KDM5A: variants seen among roughly 807,000 people sequenced by gnomAD.
KDM5A encodes the protein lysine-specific demethylase 5A.
KDM5A carries 42 observed loss-of-function variants against 193.5 expected under a neutral mutation model. The ratio of observed to expected loss-of-function variants is 0.22; its 90% CI spans 0.17 to 0.28. KDM5A has a LOEUF of 0.28. KDM5A is among the 10% of genes least tolerant of loss of function. The pLI is 1.00. For synonymous variants in KDM5A, 796 were observed against 718.1 expected (o/e 1.11, Z -1.73); for missense variants, 1,692 against 2,055.1 (o/e 0.82, Z 3.42).
Position 334,974 on chromosome 12 carries a change from C to T in KDM5A, c.1309-552G>A, listed in dbSNP as rs991339874. Among the ~76,000 whole-genome samples the T allele has an allele frequency of 2.0e-5, 3 of 151,766 alleles. No homozygotes were observed. In the East Asian group the frequency reaches 5.8e-4, roughly 29 times the overall value. On this transcript the variant is annotated intron_variant, in intron 10 of 27. Coordinates refer to ENST00000399788, the MANE Select transcript of KDM5A (RefSeq NM_001042603.3). ...ACAGGATGCAGAAAGTCACCACCAT[C>T]ACTCCTAACCATTATACAAACACAC...
At chr12:318,496 C>T (rs768603887) in intron 18 of KDM5A, 35 bp from the exon 19 acceptor site, 1 of 1,503,378 alleles carries the variant, frequency 6.7e-7, no homozygotes, top group Non-Finnish European at 9.3e-7. Flanking sequence ...ATCAGAAAAA[C>T]AAATTTAAAA....
chr12:285,563 T>C lies in KDM5A; in HGVS notation c.4966A>G (p.Ile1656Val). The part of the protein sequence containing the change: ...EMAENEDYIC[I>V]NCAKKQGPVS... ...GGCCCCTGCTTCTTTGCACAGTTTATACAGATGTAATCTTCATTTTCAGCC... is the reference window on the plus strand; with the variant it reads ...GGCCCCTGCTTCTTTGCACAGTTTACACAGATGTAATCTTCATTTTCAGCC... The change falls in exon 28 of 28, where the codon ATA becomes GTA. Residue 1656 changes from isoleucine to valine, a missense_variant. Ile to Val is a conservative substitution (Grantham distance 29). This residue lies in a region of KDM5A where 23 missense variants were observed against 61.5 expected (regional missense o/e 0.37). Transcript: ENST00000399788. 4 of 1,614,056 alleles carry C rather than the reference T, an allele frequency of 2.5e-6. No homozygotes were observed. Among genetic ancestry groups the C allele is most frequent in the Middle Eastern group, 1.7e-4 (1 of 6,058 alleles).
intron 18 of KDM5A, among the ~76,000 whole-genome samples, chr12:319,782 G>A (rs1408274410): frequency 6.6e-6 from 1 of 152,012 alleles, no homozygotes; most frequent in Non-Finnish European, 1.5e-5. Flanking sequence ...AAGAAAAAAA[G>A]CCTTTAAGAT....
intron 6 of KDM5A, among the ~76,000 whole-genome samples, chr12:355,738 T>C (rs1944223039): frequency 6.6e-6 from 1 of 152,250 alleles, no homozygotes; most frequent in African/African-American, 2.4e-5. Flanking sequence ...TTTAATCTTC[T>C]AGAGTTCAGT....
intron 13 of KDM5A, 86 bp from the exon 14 acceptor site, chr12:329,115 T>G (rs1290324370): frequency 9.3e-7 from 1 of 1,080,070 alleles, no homozygotes; most frequent in East Asian, 2.4e-5. Context: ...TCCTCCCTTT[T>G]ATTAGAAAGA....
chr12:292,063 C>G (rs920703996), intron 27 of KDM5A, among the ~76,000 whole-genome samples: 1 of 152,092 alleles, frequency 6.6e-6, no homozygotes, highest in Non-Finnish European at 1.5e-5. Context: ...CCACCACACC[C>G]TGCTCATTTT....
chr12:320,953 G>A, intron 18 of KDM5A, 42 bp downstream of exon 18: 1 of 1,332,474 alleles, frequency 7.5e-7, no homozygotes, highest in Non-Finnish European at 1.1e-6. Context: ...AGTGGACCAT[G>A]TCACAAAGGA....
intron 3 of KDM5A, among the ~76,000 whole-genome samples, chr12:380,057 CAGG>C (rs1183964336): frequency 2.0e-5 from 3 of 151,810 alleles, no homozygotes; most frequent in African/African-American, 7.3e-5. Context: ...CACTTGAGAT[CAGG>C]AGTTCGTGAC....
At position 307,331 on chromosome 12, in the gene KDM5A, C is replaced by CA. The variant is rs1943519858; in HGVS notation, c.3930+122dup. 8.9e-7 allele frequency: 1 copy of CA among 1,126,494 alleles called. No individual in the cohort carries two copies. The highest frequency in any genetic ancestry group is 1.3e-5 in the South Asian group (1 of 77,058). The allele number at this position is 1,126,494 out of a possible 1,614,324, so 69.8% of individuals were successfully genotyped here. On this transcript the variant is annotated intron_variant, in intron 23 of 27. Transcript: ENST00000399788. The surrounding 1 kb of genome is among the most constrained non-coding windows in gnomAD (Gnocchi z 4.3). Reference sequence around the variant, plus strand: ...CTATAGTGTATGTTGAAGGAGAATGCAATGGATAATTGCTGACAAGTTACT... The same window carrying CA: ...CTATAGTGTATGTTGAAGGAGAATGCAAATGGATAATTGCTGACAAGTTACT...
At chr12:324,434 T>C (rs1943758785) in intron 14 of KDM5A, among the ~76,000 whole-genome samples, 1 of 152,070 alleles carries the variant, frequency 6.6e-6, no homozygotes, top group African/African-American at 2.4e-5. Context: ...TTGAGCAAAA[T>C]AAATCAGTAA....
At chr12:295,830 A>T (rs767482005) in intron 25 of KDM5A, 37 bp from the exon 26 acceptor site, 24 of 1,575,902 alleles carry the variant, frequency 1.5e-5, no homozygotes, top group Non-Finnish European at 2.0e-5. Flanking sequence ...AGCAAAAAAA[A>T]TTAAAACTAT....
intron 13 of KDM5A, among the ~76,000 whole-genome samples, 175 bp downstream of exon 13, chr12:331,644 T>C (rs1186882395): frequency 2.0e-5 from 3 of 152,060 alleles, no homozygotes; most frequent in African/African-American, 4.8e-5. Context: ...ATCTTCAAAA[T>C]AAAAAATGTG....
intron 13 of KDM5A, among the ~76,000 whole-genome samples, chr12:331,570 G>A (rs1017398284): frequency 6.6e-6 from 1 of 152,242 alleles, no homozygotes. Context: ...GAATAGAATG[G>A]AAGTGAAGGA....
chr12:350,413 G>GAAAAAAAAA, intron 10 of KDM5A, among the ~76,000 whole-genome samples: 1 of 140,108 alleles, frequency 7.1e-6, no homozygotes, highest in African/African-American at 2.7e-5. Context: ...AGGTGACAGA[G>GAAAAAAAAA]TGAGATTCCT....
intron 27 of KDM5A, among the ~76,000 whole-genome samples, chr12:289,736 T>A (rs929692498): frequency 1.1e-4 from 14 of 126,248 alleles, no homozygotes; most frequent in Non-Finnish European, 1.5e-4. Context: ...AAAAAAAAAA[T>A]TTAATCTGCA....
chr12:382,053 C>T (rs1565554084), intron 3 of KDM5A, among the ~76,000 whole-genome samples: 1 of 152,146 alleles, frequency 6.6e-6, no homozygotes, highest in Non-Finnish European at 1.5e-5. Flanking sequence ...TCAAGCAATC[C>T]TTCCACCTCA....
chr12:351,636 A>C (rs1217967337), intron 9 of KDM5A, among the ~76,000 whole-genome samples: 1 of 152,210 alleles, frequency 6.6e-6, no homozygotes, highest in Non-Finnish European at 1.5e-5. Context: ...GCTTTTCTGT[A>C]AAGGATTACT....
rs760471868 is a variant in KDM5A at position 318,391 on chromosome 12, G to T, written c.2612C>A (p.Ser871Tyr). The change falls in exon 19 of 28, where the codon TCT (serine) becomes TAT (tyrosine). Residue 871 changes from serine (S) to tyrosine (Y), a missense_variant. This residue lies in a region of KDM5A where 965 missense variants were observed against 1,061.0 expected (regional missense o/e 0.91). Coordinates refer to ENST00000399788, the MANE Select transcript of KDM5A (RefSeq NM_001042603.3). The stretch of plus-strand genomic sequence containing the variant: ...ATCTATCAACATCTGGAGTTTGGAA[G>T]AATCTGGGGTTTCATCCATCATGGC... ...QEAMMDETPD[S>Y]SKLQMLIDMG... is the part of the protein sequence containing the mutation. The T allele has an allele frequency of 1.9e-6, 3 of 1,614,146 alleles. No individual in the cohort carries two copies. The highest frequency in any genetic ancestry group is 2.7e-5 in the African/African-American group (2 of 75,046).
intron 18 of KDM5A, among the ~76,000 whole-genome samples, chr12:319,581 G>A (rs563142983): frequency 2.6e-5 from 4 of 151,954 alleles, no homozygotes; most frequent in East Asian, 1.9e-4. Context: ...GCAAAAACTC[G>A]TCTCTACAAA....
Sources: gnomAD v4.1 joint callset for allele counts (sites outside exome capture counted in the v4.1 genomes callset) on GRCh38, gnomAD v4.1.1 for gene constraint, gnomAD v4.1.1 regional missense constraint, Gnocchi (gnomAD v3.1) non-coding constraint, MANE v1.5 for transcripts, NCBI Gene and HGNC (gene_info 2026-07-23, HGNC 2026-07-21) for gene names.